The following VWDE variants were observed in gnomAD, a reference collection of about 807,000 sequenced individuals.
VWDE encodes von Willebrand factor D and EGF domains.
VWDE carries 207 observed loss-of-function variants against 178.4 expected under a neutral mutation model. The ratio of observed to expected loss-of-function variants is 1.16; its 90% confidence interval spans 1.04 to 1.30. The LOEUF (loss-of-function observed/expected upper bound fraction) is 1.30. VWDE is among the 50% of genes most tolerant of loss of function. The pLI is 0.00. For missense variants in VWDE, 2,287 were observed against 1,901.3 expected, an observed-to-expected ratio of 1.20 and a Z score of -3.77; for synonymous variants, 738 against 651.4, an observed-to-expected ratio of 1.13 and a Z score of -2.02.
rs756009983 is a variant in VWDE at position 12,344,453 on chromosome 7, T to C, written c.3903A>G (p.Pro1301=). The C allele has an allele frequency of 4.5e-6, 7 of 1,550,084 alleles. No individual in the cohort carries two copies. Among genetic ancestry groups the C allele is most frequent in the African/African-American group, 2.7e-5 (2 of 72,902 alleles). ...CAACACACTCCCTACTTTTTCCACA[T>C]GGATATTTACAAATGGCTAAAAAAA... ...SGNAFTICKY[P]CGKSRECVAP... is the part of the protein sequence containing the mutation. Residue 1301 remains proline (P), a synonymous_variant, in exon 20 of 29, where the codon CCA becomes CCG. Coordinates refer to ENST00000275358, the MANE Select transcript of VWDE (RefSeq NM_001135924.3).
rs2128547599 is a variant in VWDE, at chr7:12,344,551, A to G, written c.3887-82T>C. Reference sequence around the variant, plus strand: ...TCAGAGACTTAGTTATGATAGAAGCAAAAGTCTCTGAAGTTTGAATAGTTA... The same window carrying G: ...TCAGAGACTTAGTTATGATAGAAGCGAAAGTCTCTGAAGTTTGAATAGTTA... On this transcript the variant is annotated intron_variant, in intron 19 of 28. Coordinates refer to ENST00000275358, the MANE Select transcript of VWDE (RefSeq NM_001135924.3). 4 of 1,117,924 alleles carry G rather than the reference A, an allele frequency of 3.6e-6. No homozygotes were observed. The East Asian group carries it at 1.0e-4, about 29-fold the overall frequency. 69.3% of individuals were successfully genotyped at this position (1,117,924 alleles called of 1,614,324 possible). A position where few individuals can be genotyped will look rare whatever the true frequency, so the allele number is the denominator to read the frequency against.
chr7:12,366,069 C>T (rs932380619), intron 13 of VWDE, among the ~76,000 whole-genome samples: 1 of 152,100 alleles, frequency 6.6e-6, no homozygotes, highest in Non-Finnish European at 1.5e-5. Context: ...AACTCCCTCT[C>T]ACCTGCCACC....
At position 12,373,006 on chromosome 7, in the gene VWDE, T is replaced by G. The variant is rs1783295148; in HGVS notation, c.1558A>C (p.Ser520Arg). Residue 520 changes from serine to arginine, a missense_variant, in exon 10 of 29, where the codon AGT becomes CGT. Coordinates refer to ENST00000275358, the MANE Select transcript of VWDE (RefSeq NM_001135924.3). Reference sequence around the variant, plus strand: ...ACTTTTCTTCCTAAGTAAGATTCACTTATCTTGATATTCCTGGTTACATCT... The same window carrying G: ...ACTTTTCTTCCTAAGTAAGATTCACGTATCTTGATATTCCTGGTTACATCT... The part of the protein sequence containing the change: ...SQDVTRNIKI[S>R]ESYLGRKVTI... 3 of 1,551,216 alleles carry G rather than the reference T, an allele frequency of 1.9e-6. No individual in the cohort carries two copies. Among genetic ancestry groups the G allele is most frequent in the Non-Finnish European group, 2.6e-6 (3 of 1,146,642 alleles).
intron 23 of VWDE, among the ~76,000 whole-genome samples, chr7:12,341,623 C>A (rs1394920868): frequency 3.3e-5 from 4 of 120,742 alleles, no homozygotes; most frequent in Admixed American, 1.7e-4. Context: ...CAGAGTGAGA[C>A]TCTGTCTAAA....
In VWDE at chr7:12,370,165, T is replaced by C; in HGVS notation, c.2141A>G (p.His714Arg). 6.4e-7 allele frequency: 1 copy of C among 1,551,578 alleles called. No homozygotes were observed. Among genetic ancestry groups the C allele is most frequent in the Non-Finnish European group, 8.7e-7 (1 of 1,146,904 alleles). Reference sequence around the variant, plus strand: ...TGAATCTTCTTTCTCATTTCCAGGATGTTTTTGTACATTTAAGCCGAGTTT... The same window carrying C: ...TGAATCTTCTTTCTCATTTCCAGGACGTTTTTGTACATTTAAGCCGAGTTT... ...LTKLGLNVQKHPGNEKEDSLQ... is the reference protein window; with the variant it reads ...LTKLGLNVQKRPGNEKEDSLQ... Residue 714 changes from histidine to arginine, a missense_variant, in exon 12 of 29, where the codon CAT (histidine) becomes CGT (arginine). His to Arg is a conservative substitution (Grantham distance 29, BLOSUM62 0). Transcript: ENST00000275358.
chr7:12,331,999 G>A (rs1780748808), intron 28 of VWDE, among the ~76,000 whole-genome samples: 1 of 152,076 alleles, frequency 6.6e-6, no homozygotes, highest in Non-Finnish European at 1.5e-5. Context: ...CAGGTTGCCT[G>A]AGGAAGAGCC....
chr7:12,402,574 T>C (rs909472810), intron 1 of VWDE, among the ~76,000 whole-genome samples: 4 of 152,180 alleles, frequency 2.6e-5, no homozygotes, highest in Admixed American at 1.3e-4. Context: ...TTTATAAACA[T>C]TGGTCATTTT....
intron 27 of VWDE, among the ~76,000 whole-genome samples, chr7:12,335,091 G>C (rs1280621608): frequency 6.6e-6 from 1 of 152,096 alleles, no homozygotes; most frequent in African/African-American, 2.4e-5. Flanking sequence ...TGGTTCATAA[G>C]ACATTGAAAT....
intron 16 of VWDE, among the ~76,000 whole-genome samples, chr7:12,358,128 G>A (rs1782364603): frequency 6.6e-6 from 1 of 152,142 alleles, no homozygotes; most frequent in African/African-American, 2.4e-5. Flanking sequence ...TGTAATCCCA[G>A]TACTTTGGGA....
chr7:12,381,710 G>T (rs1468696326), intron 4 of VWDE, among the ~76,000 whole-genome samples: 2 of 151,798 alleles, frequency 1.3e-5, no homozygotes, highest in Non-Finnish European at 2.9e-5. Flanking sequence ...GAACTTGAAG[G>T]AAATAATAAA....
chr7:12,380,369 A>T, intron 5 of VWDE, 117 bp downstream of exon 5: 1 of 1,360,686 alleles, frequency 7.3e-7, no homozygotes, highest in Non-Finnish European at 9.7e-7. Flanking sequence ...ACAAAAAGAA[A>T]AATATTAGGG....
At chr7:12,392,390 T>C (rs548243708) in intron 2 of VWDE, among the ~76,000 whole-genome samples, 1 of 152,324 alleles carries the variant, frequency 6.6e-6, no homozygotes, top group South Asian at 2.1e-4. Flanking sequence ...TCTCATTCCT[T>C]AGATCATGTG....
intron 15 of VWDE, 48 bp from the exon 16 acceptor site, chr7:12,359,740 A>G (rs1190663587): frequency 5.8e-6 from 6 of 1,033,854 alleles, no homozygotes; most frequent in Middle Eastern, 2.3e-4. Flanking sequence ...CAGCGTGTAG[A>G]AAAAAAAAAG....
At chr7:12,399,407 TA>T (rs2128565119) in intron 1 of VWDE, among the ~76,000 whole-genome samples, 1 of 152,100 alleles carries the variant, frequency 6.6e-6, no homozygotes, top group African/African-American at 2.4e-5. Flanking sequence ...CTGAACCTAA[TA>T]ACAGAGCACT....
chr7:12,393,782 G>C lies in VWDE; in HGVS notation c.59-4C>G. The C allele has an allele frequency of 3.9e-6, 6 of 1,534,970 alleles. No homozygotes were observed. The highest frequency in any genetic ancestry group is 3.4e-4 in the Middle Eastern group (2 of 5,898). On this transcript the variant is annotated splice_polypyrimidine_tract_variant and splice_region_variant and intron_variant, in intron 1 of 28. Coordinates refer to ENST00000275358, the MANE Select transcript of VWDE (RefSeq NM_001135924.3). ...CCCCCAGGAGAGCACTCCTGAGCTA[G>C]TATGGAAAGACAGGTGTTTTTATGT...
intron 1 of VWDE, among the ~76,000 whole-genome samples, chr7:12,399,991 G>A (rs952129945): frequency 2.0e-5 from 3 of 151,962 alleles, no homozygotes; most frequent in African/African-American, 7.2e-5. Context: ...AAGAATAAAT[G>A]AAAAAGAAAA....
At chr7:12,355,570 A>C (rs1161731067) in intron 18 of VWDE, among the ~76,000 whole-genome samples, 1 of 152,164 alleles carries the variant, frequency 6.6e-6, no homozygotes, top group Non-Finnish European at 1.5e-5. Context: ...TGTACAGAAA[A>C]TATTCATATG....
At chr7:12,363,372 G>A (rs1044492857) in intron 13 of VWDE, among the ~76,000 whole-genome samples, 3 of 151,926 alleles carry the variant, frequency 2.0e-5, no homozygotes, top group Admixed American at 2.0e-4. Flanking sequence ...ATATAGACAA[G>A]AGCTAAATCA....
At chr7:12,359,159 T>C (rs62448562) in intron 16 of VWDE, among the ~76,000 whole-genome samples, 14,520 of 152,156 alleles carry the variant, frequency 0.095, 933 homozygotes, top group Non-Finnish European at 0.14. Context: ...TGAAACAAAG[T>C]ATCTCAAAAT....
Sources: allele counts gnomAD v4.1 joint callset (sites outside exome capture counted in the v4.1 genomes callset), GRCh38; gene constraint gnomAD v4.1.1; transcripts MANE v1.5; gene names NCBI Gene and HGNC (gene_info 2026-07-23, HGNC 2026-07-21).